DTNBP1: variants seen among roughly 807,000 people sequenced by gnomAD.
DTNBP1 encodes dystrobrevin binding protein 1.
Under a neutral mutation model 42.8 loss-of-function variants are expected in DTNBP1, and 35 were observed. The ratio of observed to expected loss-of-function variants is 0.82; its 90% CI spans 0.63 to 1.09. DTNBP1 has a LOEUF of 1.09. DTNBP1 is among the 50% of genes least tolerant of loss of function. DTNBP1 has a pLI of 0.00. For missense variants in DTNBP1, 457 were observed against 424.2 expected (o/e 1.08, Z -0.68); for synonymous variants, 171 against 162.2 (o/e 1.05, Z -0.41).
chr6:15,561,424 C>T (rs1398109349), intron 7 of DTNBP1, among the ~76,000 whole-genome samples: 2 of 152,174 alleles, frequency 1.3e-5, no homozygotes, highest in African/African-American at 4.8e-5. Flanking sequence ...TTAAATTGAA[C>T]ACTTATTAGT....
chr6:15,651,814 C>T (rs1761015686), intron 2 of DTNBP1, among the ~76,000 whole-genome samples: 1 of 152,114 alleles, frequency 6.6e-6, no homozygotes, highest in African/African-American at 2.4e-5. Context: ...TTTACTTTTG[C>T]TCTTATACAA....
At chr6:15,551,032 G>A (rs1023849628) in intron 7 of DTNBP1, among the ~76,000 whole-genome samples, 1 of 152,170 alleles carries the variant, frequency 6.6e-6, no homozygotes, top group Admixed American at 6.5e-5. Flanking sequence ...TATTCAGGGG[G>A]CTCTGAGAAA....
At chr6:15,595,250 C>CTTTTTTTTTTTTTTTTTTTTT in intron 6 of DTNBP1, 1 of 303,000 alleles carries the variant, frequency 3.3e-6, no homozygotes, top group Non-Finnish European at 6.0e-6. Context: ...TATTATGCAA[C>CTTTTTTTTTTTTTTTTTTTTT]TTTTTTTTTT....
In DTNBP1 at chr6:15,613,353, C is replaced by A; in HGVS notation, c.488+1914G>T. On this transcript the variant is annotated intron_variant, in intron 6 of 9. Coordinates refer to ENST00000344537, the MANE Select transcript of DTNBP1 (RefSeq NM_032122.5). ...AAAAATGCCCCTTTTTTGACACGGA[C>A]CCCATTTTTTTTTTTTTTTTTTTTT... is the stretch of plus-strand genomic sequence containing the variant. Among the ~76,000 whole-genome samples, 2 of 99,440 alleles carry A rather than the reference C, an allele frequency of 2.0e-5. 1 individual carries two copies. The highest frequency in any genetic ancestry group is 7.2e-5 in the African/African-American group (2 of 27,836). The allele number at this position is 99,440 out of a possible 152,430, so 65.2% of individuals were successfully genotyped here. A position where few individuals can be genotyped will look rare whatever the true frequency, so the allele number is the denominator to read the frequency against.
At chr6:15,601,228 A>G (rs956399098) in intron 6 of DTNBP1, among the ~76,000 whole-genome samples, 3 of 152,184 alleles carry the variant, frequency 2.0e-5, no homozygotes, top group African/African-American at 7.2e-5. Flanking sequence ...TGAATCATGG[A>G]TTTGTTCTCT....
chr6:15,565,410 C>T (rs1052718914), intron 7 of DTNBP1, among the ~76,000 whole-genome samples: 1 of 152,052 alleles, frequency 6.6e-6, no homozygotes, highest in Admixed American at 6.6e-5. Context: ...TTTTAAATAG[C>T]CCCAAACTGA....
At chr6:15,622,879 G>A (rs183083663) in intron 5 of DTNBP1, among the ~76,000 whole-genome samples, 45 of 152,268 alleles carry the variant, frequency 3.0e-4, no homozygotes, top group Admixed American at 2.0e-4. Flanking sequence ...AAAGAATGAA[G>A]CAGCACACTA....
intron 7 of DTNBP1, among the ~76,000 whole-genome samples, chr6:15,561,539 A>G (rs1774841934): frequency 6.6e-6 from 1 of 152,178 alleles, no homozygotes; most frequent in African/African-American, 2.4e-5. Flanking sequence ...AAGAGATGCT[A>G]ATAGTTGGGC....
intron 1 of DTNBP1, among the ~76,000 whole-genome samples, chr6:15,659,315 G>C (rs562394740): frequency 6.6e-6 from 1 of 152,178 alleles, no homozygotes; most frequent in Non-Finnish European, 1.5e-5. Flanking sequence ...GGGCGACAGC[G>C]GGAGCTGCAC....
In DTNBP1 at chr6:15,611,557, C is replaced by A. The variant is rs74892944; in HGVS notation, c.488+3710G>T. ...CTGCCATAGATAATGATTCCTTCAA[C>A]GGATCTAGGTCAACTGAAAACCTCT... On this transcript the variant is annotated intron_variant, in intron 6 of 9. Coordinates refer to ENST00000344537, the MANE Select transcript of DTNBP1 (RefSeq NM_032122.5). Among the ~76,000 whole-genome samples, 63 of 152,272 alleles carry A rather than the reference C, an allele frequency of 4.1e-4. No homozygotes were observed. In the East Asian group the frequency reaches 0.011, roughly 26 times the overall value.
chr6:15,560,654 G>A (rs1377698272), intron 7 of DTNBP1, among the ~76,000 whole-genome samples: 4 of 152,212 alleles, frequency 2.6e-5, no homozygotes, highest in Middle Eastern at 6.8e-3. Context: ...AAAGCTCCTT[G>A]GGAAAACTGG....
chr6:15,618,478 T>C (rs1385924762), intron 5 of DTNBP1, among the ~76,000 whole-genome samples: 1 of 150,672 alleles, frequency 6.6e-6, no homozygotes, highest in Admixed American at 6.6e-5. Context: ...TCCTCCAATA[T>C]GCAATACAGC....
At chr6:15,567,175 CT>C (rs1775131191) in intron 7 of DTNBP1, among the ~76,000 whole-genome samples, 1 of 152,012 alleles carries the variant, frequency 6.6e-6, no homozygotes, top group Admixed American at 6.6e-5. Flanking sequence ...GCTGAGTGGG[CT>C]GAGTGCAGGG....
chr6:15,592,377 T>C (rs549409523), intron 7 of DTNBP1, among the ~76,000 whole-genome samples: 1 of 152,308 alleles, frequency 6.6e-6, no homozygotes, highest in East Asian at 1.9e-4. Flanking sequence ...GAGTAATTAA[T>C]TGAAAAATGG....
intron 7 of DTNBP1, among the ~76,000 whole-genome samples, chr6:15,584,919 A>AT (rs1210001498): frequency 6.7e-6 from 1 of 148,502 alleles, no homozygotes; most frequent in Non-Finnish European, 1.5e-5. Context: ...TTTTTCAGGT[A>AT]TTTTTTGCAG....
intron 6 of DTNBP1, among the ~76,000 whole-genome samples, chr6:15,605,570 T>C (rs924004036): frequency 6.6e-6 from 1 of 152,196 alleles, no homozygotes; most frequent in Non-Finnish European, 1.5e-5. Flanking sequence ...CTTTTTTTCT[T>C]TATAAATTTA....
At chr6:15,531,164 T>C (rs968205734) in intron 8 of DTNBP1, among the ~76,000 whole-genome samples, 2 of 152,204 alleles carry the variant, frequency 1.3e-5, no homozygotes, top group Non-Finnish European at 2.9e-5. Context: ...GCCAGCATGC[T>C]GATCTTGGAT....
At chr6:15,573,691 C>CTGTTT (rs1775435782) in intron 7 of DTNBP1, among the ~76,000 whole-genome samples, 2 of 151,752 alleles carry the variant, frequency 1.3e-5, no homozygotes, top group Admixed American at 6.6e-5. Flanking sequence ...CCTTTGTTTT[C>CTGTTT]TGTTTTGTTT....
At chr6:15,531,279 T>G (rs1191344547) in intron 8 of DTNBP1, among the ~76,000 whole-genome samples, 1 of 152,198 alleles carries the variant, frequency 6.6e-6, no homozygotes, top group East Asian at 1.9e-4. Context: ...CTTCTCGGTT[T>G]CTACCCTTAA....
Sources: allele counts gnomAD v4.1 joint callset (sites outside exome capture counted in the v4.1 genomes callset), GRCh38; gene constraint gnomAD v4.1.1; transcripts MANE v1.5; gene names NCBI Gene and HGNC (gene_info 2026-07-23, HGNC 2026-07-21).